Variants in GPC5 observed in about 807,000 individuals in gnomAD.
The protein encoded by GPC5 is glypican 5, also known as glypican-5.
Under a neutral mutation model 53.9 loss-of-function variants are expected in GPC5, and 47 were observed. That is an observed-to-expected ratio of 0.87 (90% CI 0.69 to 1.11). The LOEUF is 1.11. Ranked by LOEUF, GPC5 falls within the 50% of genes most tolerant of loss-of-function variation. The pLI is 0.00. For synonymous variants in GPC5, 286 were observed against 263.3 expected (o/e 1.09, Z -0.84); for missense variants, 748 against 713.1 (o/e 1.05, Z -0.56).
At chr13:92,030,366 T>C in intron 6 of GPC5, among the ~76,000 whole-genome samples, 1 of 152,198 alleles carries the variant, frequency 6.6e-6, no homozygotes, top group East Asian at 1.9e-4. Context: ...TTTCCTCTTC[T>C]TTCTGTTGCA....
intron 2 of GPC5, among the ~76,000 whole-genome samples, chr13:91,510,056 C>G (rs564400797): frequency 3.4e-4 from 51 of 152,080 alleles, no homozygotes; most frequent in African/African-American, 1.2e-3. Flanking sequence ...ATAAAACATA[C>G]TATATATAAA....
rs1181621670 is a variant in GPC5 at position 91,834,865 on chromosome 13, G to A, written c.1281-73072G>A. ...GGACTTCATAACTAAAACACCAAAA[G>A]CAATGGCAACAAAAGCCAAAATTGA... On this transcript the variant is annotated intron_variant, in intron 5 of 7. Coordinates refer to ENST00000377067, the MANE Select transcript of GPC5 (RefSeq NM_004466.6). Among the ~76,000 whole-genome samples, 6 of 152,220 alleles carry A rather than the reference G, an allele frequency of 3.9e-5. No individual in the cohort carries two copies. In the South Asian group the frequency reaches 6.2e-4, roughly 16 times the overall value.
At chr13:92,269,810 C>T (rs1420843891) in intron 7 of GPC5, among the ~76,000 whole-genome samples, 4 of 152,090 alleles carry the variant, frequency 2.6e-5, no homozygotes, top group Admixed American at 6.6e-5. Flanking sequence ...TTTTGGTTTT[C>T]GTTTGTTTTG....
At chr13:92,385,461 CACATATAT>C (rs1405591533) in intron 7 of GPC5, among the ~76,000 whole-genome samples, 4 of 70,448 alleles carry the variant, frequency 5.7e-5, no homozygotes, top group Non-Finnish European at 1.2e-4. Flanking sequence ...TACATATATA[CACATATAT>C]ACATATATAC....
intron 5 of GPC5, among the ~76,000 whole-genome samples, chr13:91,869,673 A>C (rs1175761352): frequency 1.3e-5 from 2 of 152,176 alleles, no homozygotes; most frequent in South Asian, 4.1e-4. Context: ...TCACATTGCT[A>C]TAAAGAGCTA....
intron 7 of GPC5, among the ~76,000 whole-genome samples, chr13:92,840,080 TATATATATATATA>T (rs1878375633): frequency 4.7e-4 from 1 of 2,138 alleles, no homozygotes; most frequent in African/African-American, 2.6e-3. Flanking sequence ...TATACATACA[TATATATATATATA>T]TATATATATA....
chr13:92,385,445 C>CATAT (rs879904001), intron 7 of GPC5, among the ~76,000 whole-genome samples: 7 of 83,294 alleles, frequency 8.4e-5, no homozygotes, highest in South Asian at 3.5e-4. Flanking sequence ...TACATATATA[C>CATAT]ATATATACAT....
chr13:92,493,922 A>G (rs760656970), intron 7 of GPC5, among the ~76,000 whole-genome samples: 1 of 152,244 alleles, frequency 6.6e-6, no homozygotes, highest in Non-Finnish European at 1.5e-5. Flanking sequence ...AACTTAATCA[A>G]TGTTCATGTA....
chr13:92,529,236 G>A (rs1056259612), intron 7 of GPC5, among the ~76,000 whole-genome samples: 2 of 151,986 alleles, frequency 1.3e-5, no homozygotes, highest in Admixed American at 6.6e-5. Context: ...TCAGTGCAAA[G>A]GGCCTCAAAT....
intron 7 of GPC5, among the ~76,000 whole-genome samples, chr13:92,473,114 T>C (rs9561062): frequency 0.31 from 46,814 of 151,906 alleles, 7,843 homozygotes; most frequent in East Asian, 0.41. Context: ...ATTCCCAGGA[T>C]GGTGGTCTGA....
At chr13:92,249,275 T>C (rs1257784828) in intron 7 of GPC5, among the ~76,000 whole-genome samples, 2 of 152,152 alleles carry the variant, frequency 1.3e-5, no homozygotes, top group South Asian at 2.1e-4. Context: ...CTCCTAGTCA[T>C]TGGAGTTCTA....
intron 7 of GPC5, among the ~76,000 whole-genome samples, chr13:92,261,617 T>G (rs2139142141): frequency 6.6e-6 from 1 of 152,250 alleles, no homozygotes; most frequent in Admixed American, 6.5e-5. Flanking sequence ...TAATTACCAC[T>G]AATTATACCA....
At chr13:92,318,051 C>A (rs1186906426) in intron 7 of GPC5, among the ~76,000 whole-genome samples, 1 of 152,046 alleles carries the variant, frequency 6.6e-6, no homozygotes, top group Non-Finnish European at 1.5e-5. Context: ...TTAAAAATGC[C>A]TCATTTGCCT....
At chr13:91,416,154 C>A (rs1878204043) in intron 1 of GPC5, among the ~76,000 whole-genome samples, 1 of 152,046 alleles carries the variant, frequency 6.6e-6, no homozygotes, top group Non-Finnish European at 1.5e-5. Flanking sequence ...AGGCAAGAGT[C>A]CATGTACAGT....
intron 7 of GPC5, among the ~76,000 whole-genome samples, chr13:92,600,421 A>G (rs1212491590): frequency 6.6e-6 from 1 of 152,110 alleles, no homozygotes; most frequent in Non-Finnish European, 1.5e-5. Flanking sequence ...TACTTAGCAT[A>G]TAGCTAGCAA....
intron 7 of GPC5, among the ~76,000 whole-genome samples, chr13:92,633,785 GAC>G (rs1885331647): frequency 6.6e-6 from 1 of 152,032 alleles, no homozygotes; most frequent in African/African-American, 2.4e-5. Flanking sequence ...TTTAATAGGA[GAC>G]ACACACAATT....
At chr13:91,931,808 A>G (rs1321463131) in intron 6 of GPC5, among the ~76,000 whole-genome samples, 3 of 151,944 alleles carry the variant, frequency 2.0e-5, no homozygotes, top group Non-Finnish European at 4.4e-5. Flanking sequence ...TTCACCTCAG[A>G]GTCTCTTAGA....
chr13:92,517,638 A>G (rs1880847730), intron 7 of GPC5, among the ~76,000 whole-genome samples: 1 of 152,158 alleles, frequency 6.6e-6, no homozygotes, highest in Non-Finnish European at 1.5e-5. Flanking sequence ...TAGAAGGAAA[A>G]CTAACAAACA....
intron 5 of GPC5, among the ~76,000 whole-genome samples, chr13:91,907,145 CAT>C (rs1270639451): frequency 6.7e-6 from 1 of 149,054 alleles, no homozygotes; most frequent in African/African-American, 2.4e-5. Context: ...ACATTAATAA[CAT>C]AGGTATAATT....
Sources: allele counts gnomAD v4.1 joint callset (sites outside exome capture counted in the v4.1 genomes callset), GRCh38; gene constraint gnomAD v4.1.1; transcripts MANE v1.5; gene names NCBI Gene and HGNC (gene_info 2026-07-23, HGNC 2026-07-21).